The following MAPK8IP3 variants were observed in gnomAD, a reference collection of about 807,000 sequenced individuals.
MAPK8IP3 encodes C-Jun-amino-terminal kinase-interacting protein 3.
In MAPK8IP3, 49 loss-of-function variants were observed where a neutral mutation model predicts 157.8. That is an observed-to-expected ratio of 0.31 (90% CI 0.25 to 0.39). MAPK8IP3 has a LOEUF of 0.39. Among genes scored for constraint, MAPK8IP3 ranks in the 10% least tolerant of loss-of-function variants. The pLI is 1.00. For missense variants in MAPK8IP3, 1,478 were observed against 1,889.4 expected (o/e 0.78, Z 4.04); for synonymous variants, 897 against 777.7 (o/e 1.15, Z -2.55).
intron 8 of MAPK8IP3, chr16:1,749,042 C>CT (rs2041140707): frequency 2.4e-6 from 1 of 411,710 alleles, no homozygotes; most frequent in African/African-American, 2.1e-5. Flanking sequence ...TGCTGTTATG[C>CT]TGTGTCGTTT....
intron 1 of MAPK8IP3, among the ~76,000 whole-genome samples, chr16:1,721,870 A>G (rs2038548068): frequency 6.6e-6 from 1 of 152,124 alleles, no homozygotes; most frequent in African/African-American, 2.4e-5. Flanking sequence ...CCCGGGTTCA[A>G]GTGATTCTCC....
At position 1,765,203 on chromosome 16, in the gene MAPK8IP3, C is replaced by T. The variant is rs777953043; in HGVS notation, c.2446+25C>T. ...GGTGAGCAGCTGGAGTGGGCGTTTC[C>T]ACTCGGGCGCCACTCCCTTTTACTA... is the stretch of plus-strand genomic sequence containing the variant. On this transcript the variant is annotated intron_variant, in intron 20 of 31. Transcript: ENST00000610761. 4.4e-6 allele frequency: 7 copies of T among 1,573,422 alleles called. No individual in the cohort carries two copies. In the African/African-American group the frequency reaches 5.4e-5, roughly 12 times the overall value.
intron 4 of MAPK8IP3, among the ~76,000 whole-genome samples, chr16:1,735,372 C>G (rs1233935930): frequency 3.3e-5 from 5 of 150,740 alleles, no homozygotes; most frequent in Non-Finnish European, 7.4e-5. Context: ...ATGTGAGCAT[C>G]CACGTGAGCG....
At chr16:1,744,006 T>G in intron 5 of MAPK8IP3, 21 of 993,370 alleles carry the variant, frequency 2.1e-5, no homozygotes, top group Non-Finnish European at 2.5e-5. Context: ...GGTCCTGAGT[T>G]TGAGAAAGCA....
At chr16:1,759,899 G>A in intron 10 of MAPK8IP3, 59 bp from the exon 11 acceptor site, 3 of 1,465,284 alleles carry the variant, frequency 2.0e-6, no homozygotes, top group African/African-American at 1.4e-5. Flanking sequence ...GGCAGGTGCG[G>A]CGGCATCAGT....
chr16:1,765,718 CAG>C (rs1567208685), intron 20 of MAPK8IP3, among the ~76,000 whole-genome samples: 4 of 152,176 alleles, frequency 2.6e-5, no homozygotes, highest in African/African-American at 9.6e-5. Context: ...CTCCCAGAAC[CAG>C]AGTCTTACTA....
At position 1,766,259 on chromosome 16, in the gene MAPK8IP3, C is replaced by G. The variant is rs546107820; in HGVS notation, c.2669C>G (p.Ser890Cys). Reference sequence around the variant, plus strand: ...ATCGCCAACGGGAAGGTCAACCCGTCCCAGTCCACAGAGGAGGCCACAGAG... The same window carrying G: ...ATCGCCAACGGGAAGGTCAACCCGTGCCAGTCCACAGAGGAGGCCACAGAG... ...ATIANGKVNP[S>C]QSTEEATEAT... Residue 890 changes from serine to cysteine, a missense_variant, in exon 22 of 32, where the codon TCC becomes TGC. Physicochemically the swap from Ser to Cys is moderately radical, Grantham distance 112. Around this residue, in one of 11 missense-constraint regions of MAPK8IP3, gnomAD observed 669 missense variants for 759.8 expected, o/e 0.88. Transcript: ENST00000610761. 1.2e-5 allele frequency: 20 copies of G among 1,612,330 alleles called. No homozygotes were observed. In the South Asian group the frequency reaches 2.2e-4, roughly 18 times the overall value.
At position 1,743,454 on chromosome 16, in the gene MAPK8IP3, T is replaced by C. The variant is rs1320944586; in HGVS notation, c.725T>C (p.Leu242Pro). ...DHWHLSDLGQ[L>P]QSSSSYQCPQ... ...TGGCACCTGAGTGACCTCGGCCAGC[T>C]GCAGTCCAGCTCCAGCTACCAGGTT... is the stretch of plus-strand genomic sequence containing the variant. Residue 242 changes from leucine to proline, a missense_variant, in exon 5 of 32, where the codon CTG becomes CCG. By Grantham distance (98) the Leu-to-Pro change is moderately conservative. Around this residue, in one of 11 missense-constraint regions of MAPK8IP3, gnomAD observed 315 missense variants for 394.4 expected, o/e 0.80. Transcript: ENST00000610761. The surrounding 1 kb of genome is among the most constrained non-coding windows in gnomAD (Gnocchi z 5.6). The C allele has an allele frequency of 6.2e-7, 1 of 1,609,954 alleles. No homozygotes were observed. Among genetic ancestry groups the C allele is most frequent in the Admixed American group, 1.7e-5 (1 of 59,728 alleles).
At position 1,748,361 on chromosome 16, in the gene MAPK8IP3, C is replaced by G. The variant is rs746163801; in HGVS notation, c.1097+15C>G. 5.6e-6 allele frequency: 9 copies of G among 1,607,972 alleles called. No individual in the cohort carries two copies. Among genetic ancestry groups the G allele is most frequent in the Admixed American group, 1.7e-5 (1 of 59,980 alleles). Reference sequence around the variant, plus strand: ...ACAGGAAGCAGGTACTGGCTCAGCCCAGGCCCTGGGGTCCTGGGGGCTCAG... The same window carrying G: ...ACAGGAAGCAGGTACTGGCTCAGCCGAGGCCCTGGGGTCCTGGGGGCTCAG... On this transcript the variant is annotated intron_variant, in intron 7 of 31. Coordinates refer to ENST00000610761, the MANE Select transcript of MAPK8IP3 (RefSeq NM_001318852.2).
intron 16 of MAPK8IP3, 44 bp from the exon 17 acceptor site, chr16:1,763,613 C>A: frequency 6.8e-7 from 1 of 1,474,032 alleles, no homozygotes; most frequent in African/African-American, 1.4e-5. Context: ...CTGTGGGGGC[C>A]GCTCACCCTG....
At chr16:1,732,866 A>G (rs1413087748) in intron 4 of MAPK8IP3, among the ~76,000 whole-genome samples, 1 of 152,046 alleles carries the variant, frequency 6.6e-6, no homozygotes, top group African/African-American at 2.4e-5. Context: ...AGCGCCAGCC[A>G]TCCGCCCACC....
At chr16:1,763,987 G>T in intron 17 of MAPK8IP3, 128 bp from the exon 18 acceptor site, 1 of 1,086,116 alleles carries the variant, frequency 9.2e-7, no homozygotes, top group Non-Finnish European at 1.3e-6. Context: ...CGGCTCCCAC[G>T]CCCCCACCTG....
chr16:1,729,377 C>A, intron 3 of MAPK8IP3, 110 bp from the exon 4 acceptor site: 1 of 1,275,248 alleles, frequency 7.8e-7, no homozygotes. Context: ...CCCTCCAGGA[C>A]GCTGTCTTGA....
intron 4 of MAPK8IP3, among the ~76,000 whole-genome samples, chr16:1,738,077 A>ACCATCCGTGT: frequency 1.9e-5 from 1 of 51,990 alleles, no homozygotes; most frequent in Non-Finnish European, 3.4e-5. Flanking sequence ...CATCCGTGTG[A>ACCATCCGTGT]GAGTGTGACC....
rs2042412079 is a variant in MAPK8IP3 at position 1,768,467 on chromosome 16, GC to G, written c.3743-8del. The G allele has an allele frequency of 6.3e-7, 1 of 1,575,342 alleles. No individual in the cohort carries two copies. The highest frequency in any genetic ancestry group is 8.6e-7 in the Non-Finnish European group (1 of 1,166,386). On this transcript the variant is annotated splice_polypyrimidine_tract_variant and intron_variant, in intron 30 of 31. Transcript: ENST00000610761. ...GAGGCCGCTGTCCTGAATCGCTTCT[GC>G]CATCCCAGGGAACGTGCTGGCCACC...
chr16:1,738,354 C>G (rs2040235262), intron 4 of MAPK8IP3, among the ~76,000 whole-genome samples: 4 of 71,444 alleles, frequency 5.6e-5, no homozygotes, highest in African/African-American at 5.8e-5. Context: ...GTGTGTGTGA[C>G]CATCCGTGTG....
chr16:1,751,838 A>G lies in MAPK8IP3; in HGVS notation c.1216+3118A>G, dbSNP rs1035115636. On this transcript the variant is annotated intron_variant, in intron 8 of 31. Coordinates refer to ENST00000610761, the MANE Select transcript of MAPK8IP3 (RefSeq NM_001318852.2). The surrounding 1 kb of genome is among the most constrained non-coding windows in gnomAD (Gnocchi z 5.0). ...CCTGGCTTCTTTAACGTTGCATCAC[A>G]TCTTCAAGGTCCATCCCAGCTGCAG... is the stretch of plus-strand genomic sequence containing the variant. 5.3e-5 allele frequency: 8 copies of G among 152,248 alleles called. No individual in the cohort carries two copies. The highest frequency in any genetic ancestry group is 1.9e-4 in the African/African-American group (8 of 41,434). 9.4% of individuals were successfully genotyped at this position (152,248 alleles called of 1,614,324 possible).
At chr16:1,721,364 G>A (rs142281604) in intron 1 of MAPK8IP3, among the ~76,000 whole-genome samples, 98 of 152,176 alleles carry the variant, frequency 6.4e-4, no homozygotes, top group African/African-American at 2.1e-3. Flanking sequence ...ACTTTGGAAG[G>A]CCAAGGCAGG....
intron 1 of MAPK8IP3, among the ~76,000 whole-genome samples, chr16:1,715,256 C>T (rs972271497): frequency 6.6e-6 from 1 of 152,100 alleles, no homozygotes; most frequent in African/African-American, 2.4e-5. Context: ...CAGCCCCACA[C>T]GTAATACCTG....
Sources: allele counts gnomAD v4.1 joint callset (sites outside exome capture counted in the v4.1 genomes callset), GRCh38; gene constraint gnomAD v4.1.1; regional missense constraint gnomAD v4.1.1; non-coding constraint Gnocchi (gnomAD v3.1); transcripts MANE v1.5; gene names NCBI Gene and HGNC (gene_info 2026-07-23, HGNC 2026-07-21).